Variants in ARMH4 observed in about 807,000 individuals in gnomAD.
ARMH4 encodes armadillo-like helical domain-containing protein 4.
In ARMH4, 49 loss-of-function variants were observed where a neutral mutation model predicts 61.9. The observed-to-expected ratio is 0.79, with a 90% confidence interval of 0.63 to 1.00. The LOEUF is 1.00. Ranked by LOEUF, ARMH4 falls within the 50% of genes least tolerant of loss-of-function variation. The pLI, the probability that ARMH4 is intolerant of heterozygous loss-of-function variation, is 0.00. For synonymous variants in ARMH4, 368 were observed against 341.5 expected (o/e 1.08, Z -0.85); for missense variants, 934 against 930.0 (o/e 1.00, Z -0.06).
At chr14:58,090,879 C>T (rs75685169) in intron 5 of ARMH4, among the ~76,000 whole-genome samples, 1 of 59,312 alleles carries the variant, frequency 1.7e-5, no homozygotes, top group Non-Finnish European at 3.4e-5. Flanking sequence ...GACCCTGTCT[C>T]AAAAAAAAAA....
At chr14:58,132,687 A>G (rs888007210) in intron 3 of ARMH4, among the ~76,000 whole-genome samples, 11 of 142,560 alleles carry the variant, frequency 7.7e-5, no homozygotes, top group African/African-American at 2.6e-4. Flanking sequence ...CCGGGTTCAC[A>G]CCATTCTCCT....
chr14:58,093,319 G>A (rs1489415247), intron 5 of ARMH4, among the ~76,000 whole-genome samples: 1 of 152,176 alleles, frequency 6.6e-6, no homozygotes, highest in East Asian at 1.9e-4. Context: ...TCAGCCTCCT[G>A]AGTAGCTGGG....
chr14:58,121,358 C>A (rs1173341738), intron 4 of ARMH4, among the ~76,000 whole-genome samples: 3 of 151,928 alleles, frequency 2.0e-5, no homozygotes, highest in African/African-American at 4.8e-5. Context: ...AAAAAAAAGG[C>A]ACACACACAC....
intron 5 of ARMH4, among the ~76,000 whole-genome samples, chr14:58,014,768 A>G (rs756237695): frequency 2.0e-5 from 3 of 152,176 alleles, no homozygotes; most frequent in Non-Finnish European, 4.4e-5. Flanking sequence ...CACCAAGTCT[A>G]TAAGAAGTGG....
intron 4 of ARMH4, among the ~76,000 whole-genome samples, chr14:58,099,510 A>T (rs73306284): frequency 0.087 from 13,226 of 152,160 alleles, 836 homozygotes; most frequent in African/African-American, 0.17. Flanking sequence ...CCTTGACAAA[A>T]GTTGTTTTGG....
At chr14:58,137,791 C>T (rs530240649) in intron 2 of ARMH4, among the ~76,000 whole-genome samples, 199 bp downstream of exon 2, 1 of 151,842 alleles carries the variant, frequency 6.6e-6, no homozygotes, top group Non-Finnish European at 1.5e-5. Flanking sequence ...CTCACTATAT[C>T]ACCCAAGCTG....
At chr14:58,132,691 T>G (rs989033279) in intron 3 of ARMH4, among the ~76,000 whole-genome samples, 1 of 146,120 alleles carries the variant, frequency 6.8e-6, no homozygotes, top group Non-Finnish European at 1.5e-5. Context: ...GTTCACACCA[T>G]TCTCCTGCCT....
chr14:58,010,560 G>C (rs1882371146), intron 6 of ARMH4, among the ~76,000 whole-genome samples: 1 of 151,810 alleles, frequency 6.6e-6, no homozygotes, highest in South Asian at 2.1e-4. Context: ...TACTACGGAA[G>C]AAAGTGATGA....
At chr14:58,128,263 G>C (rs1886967341) in intron 4 of ARMH4, among the ~76,000 whole-genome samples, 1 of 152,152 alleles carries the variant, frequency 6.6e-6, no homozygotes, top group African/African-American at 2.4e-5. Context: ...GAAATTTTAA[G>C]TTGGCATTTT....
chr14:58,046,484 A>G (rs1018281787), intron 5 of ARMH4, among the ~76,000 whole-genome samples: 2 of 152,180 alleles, frequency 1.3e-5, no homozygotes, highest in Non-Finnish European at 2.9e-5. Flanking sequence ...CCATTATGTC[A>G]ATTTCGAAGA....
At chr14:58,076,225 C>T (rs1267570089) in intron 5 of ARMH4, among the ~76,000 whole-genome samples, 1 of 152,150 alleles carries the variant, frequency 6.6e-6, no homozygotes. Flanking sequence ...AAATTCTCTT[C>T]TGTGAAAGTT....
intron 5 of ARMH4, among the ~76,000 whole-genome samples, chr14:58,077,798 C>T (rs1187549159): frequency 6.6e-6 from 1 of 152,244 alleles, no homozygotes; most frequent in African/African-American, 2.4e-5. Flanking sequence ...TACTCCACTG[C>T]TCCCACACAT....
chr14:58,120,214 A>G (rs1397099789), intron 4 of ARMH4, among the ~76,000 whole-genome samples: 2 of 152,184 alleles, frequency 1.3e-5, no homozygotes, highest in Non-Finnish European at 2.9e-5. Flanking sequence ...CTAAACATAG[A>G]AAAGGTACAG....
intron 5 of ARMH4, among the ~76,000 whole-genome samples, chr14:58,072,748 G>C (rs971975156): frequency 7.2e-5 from 11 of 151,878 alleles, no homozygotes; most frequent in Non-Finnish European, 1.0e-4. Flanking sequence ...CTTTTGGCCA[G>C]AGCGTTCCTT....
chr14:58,066,878 A>C (rs1884722622), intron 5 of ARMH4, among the ~76,000 whole-genome samples: 1 of 152,232 alleles, frequency 6.6e-6, no homozygotes, highest in African/African-American at 2.4e-5. Flanking sequence ...TATCAGACTC[A>C]AAGGAAAATA....
chr14:58,017,793 G>A (rs1882670232), intron 5 of ARMH4, among the ~76,000 whole-genome samples: 3 of 151,976 alleles, frequency 2.0e-5, no homozygotes, highest in Non-Finnish European at 4.4e-5. Flanking sequence ...AAATTTGTAT[G>A]GAACCACAAA....
intron 5 of ARMH4, among the ~76,000 whole-genome samples, chr14:58,041,428 A>T (rs2141182826): frequency 6.6e-6 from 1 of 152,332 alleles, no homozygotes; most frequent in East Asian, 1.9e-4. Context: ...CTGCCCTACA[A>T]GAGCTCCTGA....
At chr14:58,061,108 T>C (rs1594731076) in intron 5 of ARMH4, among the ~76,000 whole-genome samples, 2 of 152,086 alleles carry the variant, frequency 1.3e-5, no homozygotes, top group Non-Finnish European at 2.9e-5. Flanking sequence ...TCCGTGAGGC[T>C]CCTCCTTGAC....
intron 6 of ARMH4, among the ~76,000 whole-genome samples, chr14:58,006,651 T>C (rs1280378053): frequency 6.6e-6 from 1 of 151,980 alleles, no homozygotes; most frequent in Non-Finnish European, 1.5e-5. Context: ...AAACAAAGCC[T>C]AGACATTTTT....
Sources: gnomAD v4.1 joint callset for allele counts (sites outside exome capture counted in the v4.1 genomes callset) on GRCh38, gnomAD v4.1.1 for gene constraint, MANE v1.5 for transcripts, NCBI Gene and HGNC (gene_info 2026-07-23, HGNC 2026-07-21) for gene names.